MTMR12: variants seen among roughly 807,000 people sequenced by gnomAD.
The protein encoded by MTMR12 is myotubularin-related protein 12.
In MTMR12, 33 loss-of-function variants were observed where a neutral mutation model predicts 96.7. The observed-to-expected ratio is 0.34, with a 90% CI of 0.26 to 0.46. The LOEUF is 0.46. MTMR12 is among the 20% of genes least tolerant of loss of function. The pLI is 1.00. For missense variants in MTMR12, 721 were observed against 896.1 expected (o/e 0.80, Z 2.49); for synonymous variants, 298 against 327.2 (o/e 0.91, Z 0.96).
At chr5:32,284,979 A>C (rs1166654820) in intron 1 of MTMR12, among the ~76,000 whole-genome samples, 1 of 152,194 alleles carries the variant, frequency 6.6e-6, no homozygotes, top group Admixed American at 6.5e-5. Context: ...GGCACAAAGG[A>C]AAGGCAAAAA....
At chr5:32,235,706 C>A (rs1295362395) in intron 13 of MTMR12, among the ~76,000 whole-genome samples, 4 of 152,300 alleles carry the variant, frequency 2.6e-5, no homozygotes, top group Admixed American at 6.5e-5. Context: ...AAGGGAGAAG[C>A]AGTGAAAGTG....
intron 1 of MTMR12, among the ~76,000 whole-genome samples, chr5:32,302,303 A>G (rs1751184417): frequency 6.6e-6 from 1 of 152,226 alleles, no homozygotes; most frequent in South Asian, 2.1e-4. Context: ...TTCAGAGACA[A>G]TTTGATTTTA....
intron 1 of MTMR12, among the ~76,000 whole-genome samples, chr5:32,296,834 G>A (rs2112144731): frequency 6.6e-6 from 1 of 150,402 alleles, no homozygotes. Flanking sequence ...CGGGCGCGGT[G>A]GCTCACGCCT....
rs1444264881 is a variant in MTMR12, at chr5:32,312,935, G to T, written c.-97C>A. ...GCGGCCACCAGCACTAGCGGCTGGG[G>T]CTCCGCCCATCCCCAAGGCCGCGAC... On this transcript the variant is annotated 5_prime_UTR_variant, in exon 1 of 16. Coordinates refer to ENST00000382142, the MANE Select transcript of MTMR12 (RefSeq NM_001040446.3). This position sits in a 1 kb window ranked among gnomAD's most constrained non-coding sequence, Gnocchi z 5.0. The T allele has an allele frequency of 6.8e-6, 8 of 1,174,078 alleles. No individual in the cohort carries two copies. The highest frequency in any genetic ancestry group is 9.0e-6 in the Non-Finnish European group (8 of 892,614). 72.7% of individuals were successfully genotyped at this position (1,174,078 alleles called of 1,614,324 possible).
At chr5:32,308,266 G>A (rs569143449) in intron 1 of MTMR12, among the ~76,000 whole-genome samples, 2 of 152,106 alleles carry the variant, frequency 1.3e-5, no homozygotes, top group South Asian at 4.1e-4. Context: ...AGGTTGCAGT[G>A]AGCCAAGTTC....
intron 1 of MTMR12, among the ~76,000 whole-genome samples, chr5:32,285,992 A>G (rs1263838510): frequency 6.6e-6 from 1 of 152,166 alleles, no homozygotes; most frequent in East Asian, 1.9e-4. Flanking sequence ...ATATATACCA[A>G]TTCATTTCAA....
intron 1 of MTMR12, among the ~76,000 whole-genome samples, chr5:32,305,796 G>A (rs988417377): frequency 8.6e-5 from 13 of 151,894 alleles, no homozygotes; most frequent in Admixed American, 2.6e-4. Flanking sequence ...CCAGCTACTC[G>A]GGAGGCTGAG....
intron 10 of MTMR12, among the ~76,000 whole-genome samples, chr5:32,247,257 G>T (rs1748730260): frequency 6.6e-6 from 1 of 152,152 alleles, no homozygotes; most frequent in South Asian, 2.1e-4. Flanking sequence ...GGCAGAGGTG[G>T]GAGGATCACT....
At chr5:32,310,882 T>TG (rs1387800463) in intron 1 of MTMR12, among the ~76,000 whole-genome samples, 1 of 151,928 alleles carries the variant, frequency 6.6e-6, no homozygotes, top group Non-Finnish European at 1.5e-5. Context: ...TCTTTCTTTT[T>TG]TTTTTTTTTG....
intron 1 of MTMR12, among the ~76,000 whole-genome samples, chr5:32,293,755 G>C (rs1750825686): frequency 6.6e-6 from 1 of 152,082 alleles, no homozygotes; most frequent in Admixed American, 6.5e-5. Flanking sequence ...TCCCCAAGTG[G>C]TACTTCACTC....
In MTMR12 at chr5:32,312,121, T is replaced by C. The variant is rs1484802346; in HGVS notation, c.81+637A>G. On this transcript the variant is annotated intron_variant, in intron 1 of 15. Transcript: ENST00000382142. This position sits in a 1 kb window ranked among gnomAD's most constrained non-coding sequence, Gnocchi z 5.0. The stretch of plus-strand genomic sequence containing the variant: ...ATGAACAAATTTCTTGACCTGAAGA[T>C]TCAGAAGAGTAAGAAGTGGGTGGAA... Among the ~76,000 whole-genome samples, 2 of 152,116 alleles carry C rather than the reference T, an allele frequency of 1.3e-5. No homozygotes were observed. Among genetic ancestry groups the C allele is most frequent in the South Asian group, 4.1e-4 (2 of 4,826 alleles).
intron 1 of MTMR12, among the ~76,000 whole-genome samples, chr5:32,297,311 C>T (rs1316036474): frequency 1.3e-5 from 2 of 152,112 alleles, no homozygotes; most frequent in African/African-American, 2.4e-5. Context: ...TGTTATTCCC[C>T]ACTCAATCCC....
chr5:32,281,877 GA>G lies in MTMR12; in HGVS notation c.82-5136del, dbSNP rs1581630414. ...ATCATACCATTGCACTCCAGCCTGG[GA>G]GACAGTGCGAGACTCCGTCTCAAAA... On this transcript the variant is annotated intron_variant, in intron 1 of 15. Coordinates refer to ENST00000382142, the MANE Select transcript of MTMR12 (RefSeq NM_001040446.3). 2.0e-5 allele frequency among the ~76,000 whole-genome samples: 3 copies of G among 149,496 alleles called. No homozygotes were observed. In the East Asian group the frequency reaches 5.9e-4, roughly 29 times the overall value.
intron 1 of MTMR12, among the ~76,000 whole-genome samples, chr5:32,277,932 CCATT>C (rs1356007467): frequency 1.3e-5 from 2 of 152,154 alleles, no homozygotes; most frequent in African/African-American, 2.4e-5. Flanking sequence ...CATTCTTTGT[CCATT>C]CAAAGTTACC....
At chr5:32,265,418 G>A (rs1038802634) in intron 6 of MTMR12, among the ~76,000 whole-genome samples, 4 of 152,220 alleles carry the variant, frequency 2.6e-5, no homozygotes, top group African/African-American at 9.6e-5. Context: ...GGCAGGCCGA[G>A]AAAGTGTCCT....
intron 7 of MTMR12, among the ~76,000 whole-genome samples, chr5:32,257,771 A>AAAC (rs1749197957): frequency 6.6e-6 from 1 of 151,640 alleles, no homozygotes. Context: ...CTGTCTCAAA[A>AAAC]AAACAAACAA....
intron 1 of MTMR12, among the ~76,000 whole-genome samples, chr5:32,288,304 C>A (rs1581635863): frequency 6.6e-6 from 1 of 152,112 alleles, no homozygotes; most frequent in East Asian, 1.9e-4. Flanking sequence ...GTGGCAACAT[C>A]CCCTCCCTAA....
rs1747912619 is a variant in MTMR12 at position 32,229,741 on chromosome 5, T to A, written c.*37A>T. The A allele has an allele frequency of 6.7e-7, 1 of 1,483,740 alleles. No homozygotes were observed. Among genetic ancestry groups the A allele is most frequent in the Non-Finnish European group, 9.0e-7 (1 of 1,115,082 alleles). The allele number at this position is 1,483,740 out of a possible 1,614,324, so 91.9% of individuals were successfully genotyped here. A position where few individuals can be genotyped will look rare whatever the true frequency, so the allele number is the denominator to read the frequency against. The stretch of plus-strand genomic sequence containing the variant: ...AATCCAGGGATCAGCTGTCCCAATC[T>A]CCCACATTCCTCTTTCACAATCACT... On this transcript the variant is annotated 3_prime_UTR_variant, in exon 16 of 16. Coordinates refer to ENST00000382142, the MANE Select transcript of MTMR12 (RefSeq NM_001040446.3).
At position 32,230,030 on chromosome 5, in the gene MTMR12, G is replaced by C; in HGVS notation, c.1992C>G (p.Leu664=). 6.2e-7 allele frequency: 1 copy of C among 1,613,624 alleles called. No homozygotes were observed. Among genetic ancestry groups the C allele is most frequent in the South Asian group, 1.1e-5 (1 of 91,074 alleles). The part of the protein sequence containing the change: ...GGGQVATLSK[L]LEMMEEVQSL... ...TCTGGACTTCCTCCATCATTTCCAA[G>C]AGTTTGCTCAGAGTGGCCACTTGGC... is the stretch of plus-strand genomic sequence containing the variant. The change falls in exon 16 of 16, where the codon CTC becomes CTG. Residue 664 remains leucine, a synonymous_variant. Transcript: ENST00000382142.
Sources: gnomAD v4.1 joint callset for allele counts (sites outside exome capture counted in the v4.1 genomes callset) on GRCh38, gnomAD v4.1.1 for gene constraint, Gnocchi (gnomAD v3.1) non-coding constraint, MANE v1.5 for transcripts, NCBI Gene and HGNC (gene_info 2026-07-23, HGNC 2026-07-21) for gene names.